The following AK7 variants were observed in gnomAD, a reference collection of about 807,000 sequenced individuals.
The protein encoded by AK7 is ATP-AMP transphosphorylase 7.
AK7 carries 78 observed loss-of-function variants against 96.6 expected under a neutral mutation model. The ratio of observed to expected loss-of-function variants is 0.81; its 90% CI spans 0.67 to 0.97. The LOEUF (loss-of-function observed/expected upper bound fraction) is 0.97. AK7 is among the 50% of genes least tolerant of loss of function. The pLI is 0.00. For synonymous variants in AK7, 302 were observed against 317.2 expected (o/e 0.95, Z 0.51); for missense variants, 855 against 887.9 (o/e 0.96, Z 0.47).
chr14:96,435,590 C>T (rs141201279), intron 5 of AK7, among the ~76,000 whole-genome samples: 153 of 152,222 alleles, frequency 1.0e-3, no homozygotes, highest in African/African-American at 3.4e-3. Flanking sequence ...CTCTGGGCCT[C>T]GCTCAGCACT....
chr14:96,456,276 TA>T, intron 10 of AK7, 70 bp from the exon 11 acceptor site: 1 of 498,718 alleles, frequency 2.0e-6, no homozygotes, highest in East Asian at 6.9e-5. Context: ...TCCCCTGAAA[TA>T]AAAAACCACT....
chr14:96,392,288 A>C, intron 1 of AK7, 29 bp downstream of exon 1: 26 of 1,574,684 alleles, frequency 1.7e-5, no homozygotes, highest in Non-Finnish European at 2.1e-5. Context: ...CCAGAGCCTC[A>C]CGCCAGCTCT....
chr14:96,409,023 GCGA>G, intron 4 of AK7, 82 bp downstream of exon 4: 1 of 1,410,892 alleles, frequency 7.1e-7, no homozygotes, highest in Non-Finnish European at 9.9e-7. Context: ...ACTTCCTATG[GCGA>G]GTTGTGTATT....
chr14:96,479,716 T>A (rs188962677), intron 15 of AK7, among the ~76,000 whole-genome samples: 9 of 152,328 alleles, frequency 5.9e-5, no homozygotes, highest in Admixed American at 5.9e-4. Flanking sequence ...GCTACTTCCC[T>A]TGGCTTGTTG....
chr14:96,423,863 T>G (rs1287465353), intron 5 of AK7: 16 of 864,652 alleles, frequency 1.9e-5, no homozygotes, highest in African/African-American at 5.0e-5. Context: ...CTCGTCACAT[T>G]TCAGCGGCCT....
chr14:96,451,791 T>C (rs1371980425), intron 10 of AK7, among the ~76,000 whole-genome samples: 3 of 152,218 alleles, frequency 2.0e-5, no homozygotes, highest in African/African-American at 7.2e-5. Context: ...TAGATAATAA[T>C]GTATGCAAAT....
chr14:96,458,292 TAA>T, intron 12 of AK7, 80 bp downstream of exon 12: 3 of 1,384,712 alleles, frequency 2.2e-6, no homozygotes, highest in Non-Finnish European at 2.9e-6. Context: ...AAAGACTGTT[TAA>T]AAAAAAAAGA....
intron 3 of AK7, among the ~76,000 whole-genome samples, chr14:96,407,416 T>A (rs1289121524): frequency 6.6e-6 from 1 of 152,168 alleles, no homozygotes; most frequent in Admixed American, 6.5e-5. Context: ...AGGGTAGAAA[T>A]CAATACACTT....
At chr14:96,454,980 C>A (rs776871060) in intron 10 of AK7, among the ~76,000 whole-genome samples, 3 of 152,018 alleles carry the variant, frequency 2.0e-5, no homozygotes, top group Non-Finnish European at 4.4e-5. Flanking sequence ...GCCTGGCTAA[C>A]ATGGTGAAAC....
intron 5 of AK7, among the ~76,000 whole-genome samples, chr14:96,427,773 A>G (rs1206016165): frequency 1.3e-5 from 2 of 151,872 alleles, no homozygotes; most frequent in East Asian, 1.9e-4. Context: ...TTTTGAGGCT[A>G]TTTTCTAGAT....
At chr14:96,444,875 G>A (rs1029098386) in intron 7 of AK7, among the ~76,000 whole-genome samples, 1 of 152,010 alleles carries the variant, frequency 6.6e-6, no homozygotes, top group Non-Finnish European at 1.5e-5. Context: ...CGGCCACCAC[G>A]CCTGGCTATT....
intron 5 of AK7, among the ~76,000 whole-genome samples, chr14:96,427,103 G>A (rs1470315571): frequency 2.0e-5 from 3 of 152,146 alleles, no homozygotes; most frequent in Non-Finnish European, 4.4e-5. Context: ...AAATTAGCCA[G>A]GCGTGGTAGT....
chr14:96,397,186 AT>A (rs565883786), intron 1 of AK7, among the ~76,000 whole-genome samples: 1 of 152,336 alleles, frequency 6.6e-6, no homozygotes, highest in African/African-American at 2.4e-5. Flanking sequence ...TATCTCAATA[AT>A]TTTTATATTG....
chr14:96,424,067 T>C, intron 5 of AK7: 1 of 719,464 alleles, frequency 1.4e-6, no homozygotes, highest in South Asian at 1.4e-5. Context: ...GAAATGCTGG[T>C]GGGTCTGTTC....
chr14:96,455,476 A>C lies in AK7; in HGVS notation c.1099-871A>C, dbSNP rs1351067054. Among the ~76,000 whole-genome samples the C allele has an allele frequency of 3.3e-5, 5 of 152,158 alleles. No homozygotes were observed. The East Asian group carries it at 9.6e-4, about 29-fold the overall frequency. Reference sequence around the variant, plus strand: ...CTCCAGCCTGGGCAACAGTGGGAGCACCTATCTCAATACAAAACAAAACAA... The same window carrying C: ...CTCCAGCCTGGGCAACAGTGGGAGCCCCTATCTCAATACAAAACAAAACAA... On this transcript the variant is annotated intron_variant, in intron 10 of 17. Transcript: ENST00000267584.
intron 15 of AK7, among the ~76,000 whole-genome samples, chr14:96,479,372 T>A (rs117930642): frequency 6.7e-6 from 1 of 150,208 alleles, no homozygotes; most frequent in Non-Finnish European, 1.5e-5. Flanking sequence ...CCACCGTGCC[T>A]GGCCGACAAA....
At position 96,463,166 on chromosome 14, in the gene AK7, A is replaced by G. The variant is rs143870703; in HGVS notation, c.1357+4954A>G. ...AACAAACAAACAAACAAACAAACAA[A>G]CAAAAAACCAGTTAACCTTGGCAGT... On this transcript the variant is annotated intron_variant, in intron 12 of 17. Coordinates refer to ENST00000267584, the MANE Select transcript of AK7 (RefSeq NM_152327.5). Among the ~76,000 whole-genome samples, 512 of 151,730 alleles carry G rather than the reference A, an allele frequency of 3.4e-3. 4 individuals carry two copies. Among genetic ancestry groups the G allele is most frequent in the African/African-American group, 0.012 (492 of 41,446 alleles).
chr14:96,436,899 TG>T (rs1177387014), intron 5 of AK7, among the ~76,000 whole-genome samples: 1 of 152,110 alleles, frequency 6.6e-6, no homozygotes, highest in African/African-American at 2.4e-5. Flanking sequence ...CAGTGTGGCC[TG>T]GGACTGGTTG....
At chr14:96,461,219 T>C (rs1302238236) in intron 12 of AK7, among the ~76,000 whole-genome samples, 1 of 152,128 alleles carries the variant, frequency 6.6e-6, no homozygotes, top group Non-Finnish European at 1.5e-5. Flanking sequence ...TCCCAGCACT[T>C]TGAGAGATCA....
Sources: gnomAD v4.1 joint callset for allele counts (sites outside exome capture counted in the v4.1 genomes callset) on GRCh38, gnomAD v4.1.1 for gene constraint, MANE v1.5 for transcripts, NCBI Gene and HGNC (gene_info 2026-07-23, HGNC 2026-07-21) for gene names.